The following POLR3A variants were observed in gnomAD, a reference collection of about 807,000 sequenced individuals.
The protein encoded by POLR3A is DNA-directed RNA polymerase III subunit RPC1.
POLR3A carries 112 observed loss-of-function variants against 152.8 expected under a neutral mutation model. The observed-to-expected ratio is 0.73, with a 90% CI of 0.63 to 0.86. POLR3A has a LOEUF of 0.86. POLR3A is among the 40% of genes least tolerant of loss of function. POLR3A has a pLI of 0.00. For missense variants in POLR3A, 1,385 were observed against 1,743.1 expected, an observed-to-expected ratio of 0.79 and a Z score of 3.66; for synonymous variants, 615 against 652.1, an observed-to-expected ratio of 0.94 and a Z score of 0.87.
chr10:78,022,044 C>A, intron 6 of POLR3A, 22 bp from the exon 7 acceptor site: 1 of 1,614,220 alleles, frequency 6.2e-7, no homozygotes, highest in East Asian at 2.2e-5. Flanking sequence ...ACAGCCCAAA[C>A]AGAAACAAAC....
At chr10:77,982,069 A>T in intron 28 of POLR3A, 85 bp downstream of exon 28, 1 of 727,728 alleles carries the variant, frequency 1.4e-6, no homozygotes, top group Non-Finnish European at 2.3e-6. Flanking sequence ...AAAAAAAAGA[A>T]GTATACTGGG....
At chr10:77,990,712 G>A (rs187419172) in intron 21 of POLR3A, among the ~76,000 whole-genome samples, 1 of 151,754 alleles carries the variant, frequency 6.6e-6, no homozygotes, top group East Asian at 1.9e-4. Flanking sequence ...CGCCTCTCAG[G>A]TTCAAGCGAT....
At position 78,007,727 on chromosome 10, in the gene POLR3A, G is replaced by A. The variant is rs150003443; in HGVS notation, c.2049C>T (p.Leu683=). 2.2e-5 allele frequency: 35 copies of A among 1,614,014 alleles called. No homozygotes were observed. In the South Asian group the frequency reaches 2.7e-4, roughly 13 times the overall value. The change falls in exon 15 of 31, where the codon CTC becomes CTT. Residue 683 remains leucine, a synonymous_variant. Coordinates refer to ENST00000372371, the MANE Select transcript of POLR3A (RefSeq NM_007055.4). ...ACAGGTAGACAGGAGCCAGCCTGGC[G>A]AGCCGTGACATGGCATCTGCAGCTT... is the stretch of plus-strand genomic sequence containing the variant. ...QNEAADAMSR[L]ARLAPVYLSN...
rs1401650781 is a variant in POLR3A, at chr10:77,985,220, G to A, written c.3192C>T (p.Thr1064=). 4 of 1,614,038 alleles carry A rather than the reference G, an allele frequency of 2.5e-6. No homozygotes were observed. Among genetic ancestry groups the A allele is most frequent in the Non-Finnish European group, 3.4e-6 (4 of 1,179,982 alleles). ...HFAGVASMNI[T]LGVPRIKEII... ...TCTCTTTAATCCGGGGCACGCCCAG[G>A]GTGATGTTCATGGAGGCCACACCTG... Residue 1064 remains threonine, a synonymous_variant, in exon 24 of 31, where the codon ACC becomes ACT. Transcript: ENST00000372371.
chr10:77,989,700 C>A (rs1047357051), intron 21 of POLR3A, among the ~76,000 whole-genome samples: 1 of 152,110 alleles, frequency 6.6e-6, no homozygotes, highest in African/African-American at 2.4e-5. Context: ...TGGAGTGGGC[C>A]CTTTCTGTTG....
chr10:78,010,704 C>G (rs1012566077), intron 11 of POLR3A, among the ~76,000 whole-genome samples, 164 bp from the exon 12 acceptor site: 1 of 152,200 alleles, frequency 6.6e-6, no homozygotes, highest in African/African-American at 2.4e-5. Context: ...TTGTCACTAA[C>G]TCCCAGTTCC....
In POLR3A at chr10:77,981,035, A is replaced by AT. The variant is rs548271453; in HGVS notation, c.3891+392dup. ...CCCCAACTTCAGATCATGTTAACTT[A>AT]TTTTTTCCTGGGAATGGCTACAGAA... On this transcript the variant is annotated intron_variant, in intron 29 of 30. Coordinates refer to ENST00000372371, the MANE Select transcript of POLR3A (RefSeq NM_007055.4). Among the ~76,000 whole-genome samples the AT allele has an allele frequency of 3.9e-5, 6 of 152,024 alleles. No homozygotes were observed. The East Asian group carries it at 1.2e-3, about 29-fold the overall frequency.
In POLR3A at chr10:78,022,137, G is replaced by T; in HGVS notation, c.885+8C>A. On this transcript the variant is annotated splice_region_variant and intron_variant, in intron 6 of 30. Transcript: ENST00000372371. ...TATGAAACTTACAAGGAAATGGGAG[G>T]CACTGACCTTTTTAATAACATCGTT... 1.2e-6 allele frequency: 2 copies of T among 1,614,168 alleles called. No homozygotes were observed. The highest frequency in any genetic ancestry group is 1.7e-6 in the Non-Finnish European group (2 of 1,180,006).
At chr10:77,992,826 C>T (rs1026978497) in intron 20 of POLR3A, among the ~76,000 whole-genome samples, 1 of 151,872 alleles carries the variant, frequency 6.6e-6, no homozygotes, top group Non-Finnish European at 1.5e-5. Flanking sequence ...AGGTGTAAGC[C>T]ACTGCACTTG....
At chr10:77,982,557 G>T in intron 27 of POLR3A, 96 bp downstream of exon 27, 1 of 1,144,292 alleles carries the variant, frequency 8.7e-7, no homozygotes, top group African/African-American at 1.5e-5. Context: ...AAGAAATTAA[G>T]AAATCGGACT....
At chr10:78,009,706 G>C in intron 13 of POLR3A, 31 bp from the exon 14 acceptor site, 15 of 1,614,088 alleles carry the variant, frequency 9.3e-6, no homozygotes, top group Non-Finnish European at 1.2e-5. Context: ...GAGAGTCAGT[G>C]GGCTGAGCCT....
intron 5 of POLR3A, among the ~76,000 whole-genome samples, chr10:78,023,315 C>A (rs1028069920): frequency 6.6e-6 from 1 of 152,006 alleles, no homozygotes; most frequent in Admixed American, 6.6e-5. Context: ...CAAAAATTAG[C>A]CGGGCATGGT....
intron 10 of POLR3A, among the ~76,000 whole-genome samples, chr10:78,015,163 A>C (rs879062781): frequency 2.0e-4 from 31 of 152,354 alleles, no homozygotes; most frequent in Non-Finnish European, 4.3e-4. Context: ...TTTCTTACAA[A>C]TGTAAACTGG....
chr10:77,982,615 A>G (rs1374610952), intron 27 of POLR3A, 38 bp downstream of exon 27: 3 of 1,594,634 alleles, frequency 1.9e-6, no homozygotes, highest in Non-Finnish European at 2.6e-6. Flanking sequence ...CACCACAGGG[A>G]GATGCTGGGT....
At chr10:77,986,530 C>T (rs61854190) in intron 21 of POLR3A, among the ~76,000 whole-genome samples, 1 of 152,212 alleles carries the variant, frequency 6.6e-6, no homozygotes, top group Non-Finnish European at 1.5e-5. Flanking sequence ...AGCATTTATA[C>T]TGTTCTTCTA....
intron 11 of POLR3A, among the ~76,000 whole-genome samples, chr10:78,011,016 T>C (rs567283300): frequency 3.0e-4 from 46 of 152,224 alleles, no homozygotes; most frequent in African/African-American, 1.1e-3. Flanking sequence ...AGCTAAGTTT[T>C]TGCATTTTTT....
intron 20 of POLR3A, among the ~76,000 whole-genome samples, chr10:77,992,824 G>A (rs893323330): frequency 2.6e-5 from 4 of 151,696 alleles, no homozygotes; most frequent in Non-Finnish European, 5.9e-5. Context: ...CTAGGTGTAA[G>A]CCACTGCACT....
At chr10:78,001,568 T>G (rs980652529) in intron 17 of POLR3A, among the ~76,000 whole-genome samples, 5 of 151,832 alleles carry the variant, frequency 3.3e-5, no homozygotes, top group African/African-American at 9.7e-5. Flanking sequence ...AAAAAAAAAG[T>G]GTACAGAAAT....
At position 78,009,847 on chromosome 10, in the gene POLR3A, A is replaced by T; in HGVS notation, c.1770+17T>A. 6.2e-7 allele frequency: 1 copy of T among 1,613,856 alleles called. No individual in the cohort carries two copies. The highest frequency in any genetic ancestry group is 8.5e-7 in the Non-Finnish European group (1 of 1,179,876). ...CATACACACACCTGTGCACCAACAC[A>T]CAACTCCCACACACACCTTTAGGAT... On this transcript the variant is annotated intron_variant, in intron 13 of 30. Coordinates refer to ENST00000372371, the MANE Select transcript of POLR3A (RefSeq NM_007055.4).
Sources: gnomAD v4.1 joint callset for allele counts (sites outside exome capture counted in the v4.1 genomes callset) on GRCh38, gnomAD v4.1.1 for gene constraint, MANE v1.5 for transcripts, NCBI Gene and HGNC (gene_info 2026-07-23, HGNC 2026-07-21) for gene names.